Variants in STXBP5 observed in about 807,000 individuals in gnomAD.
STXBP5 encodes the protein syntaxin-binding protein 5.
In STXBP5, 50 loss-of-function variants were observed where a neutral mutation model predicts 152.4. The observed-to-expected ratio is 0.33, with a 90% confidence interval of 0.26 to 0.42. The LOEUF (loss-of-function observed/expected upper bound fraction) is 0.42. Ranked by LOEUF, STXBP5 falls within the 10% of genes least tolerant of loss-of-function variation. The pLI is 1.00. For synonymous variants in STXBP5, 492 were observed against 494.7 expected (o/e 0.99, Z 0.07); for missense variants, 1,167 against 1,388.6 (o/e 0.84, Z 2.54).
chr6:147,310,051 C>T, intron 9 of STXBP5, 33 bp from the exon 10 acceptor site: 6 of 1,378,448 alleles, frequency 4.4e-6, no homozygotes, highest in South Asian at 3.2e-5. Context: ...TTTACTATGC[C>T]ATTAATAATC....
intron 4 of STXBP5, among the ~76,000 whole-genome samples, chr6:147,252,369 T>C (rs1247236005): frequency 6.6e-6 from 1 of 151,984 alleles, no homozygotes; most frequent in Non-Finnish European, 1.5e-5. Context: ...AATAACCAGT[T>C]TAGCGAAGAA....
chr6:147,293,533 A>G (rs1781380229), intron 9 of STXBP5: 1 of 152,234 alleles, frequency 6.6e-6, no homozygotes, highest in Non-Finnish European at 1.5e-5. Context: ...CCTATCAGGT[A>G]TCATAAGCAG....
At chr6:147,305,650 A>AT (rs1338645050) in intron 9 of STXBP5, among the ~76,000 whole-genome samples, 1 of 152,178 alleles carries the variant, frequency 6.6e-6, no homozygotes, top group Non-Finnish European at 1.5e-5. Flanking sequence ...CAAATTAGGT[A>AT]TTAATAGTTT....
At chr6:147,311,792 G>A (rs1178013717) in intron 11 of STXBP5, among the ~76,000 whole-genome samples, 1 of 151,982 alleles carries the variant, frequency 6.6e-6, no homozygotes, top group Admixed American at 6.6e-5. Flanking sequence ...ATATCCTGGG[G>A]CCACACAAAA....
intron 21 of STXBP5, among the ~76,000 whole-genome samples, chr6:147,340,946 A>G (rs1784062225): frequency 6.6e-6 from 1 of 152,120 alleles, no homozygotes; most frequent in South Asian, 2.1e-4. Context: ...CTGTAGTTAT[A>G]TATTTTGGGG....
chr6:147,364,957 T>C (rs1785228412), intron 25 of STXBP5, among the ~76,000 whole-genome samples: 1 of 152,204 alleles, frequency 6.6e-6, no homozygotes, highest in Non-Finnish European at 1.5e-5. Flanking sequence ...TCTTGCTAAC[T>C]ATACAATTAT....
chr6:147,285,022 G>A (rs563034698), intron 8 of STXBP5, among the ~76,000 whole-genome samples: 4 of 152,202 alleles, frequency 2.6e-5, no homozygotes, highest in African/African-American at 9.6e-5. Context: ...AAATGGACAT[G>A]TATGAATGAA....
chr6:147,326,418 T>G (rs2128386146), intron 17 of STXBP5, among the ~76,000 whole-genome samples: 1 of 152,298 alleles, frequency 6.6e-6, no homozygotes, highest in African/African-American at 2.4e-5. Context: ...AAAATCTGAT[T>G]ATGTGGCCGT....
At chr6:147,266,647 T>C (rs1179665238) in intron 6 of STXBP5, among the ~76,000 whole-genome samples, 4 of 152,044 alleles carry the variant, frequency 2.6e-5, no homozygotes, top group Non-Finnish European at 5.9e-5. Context: ...CTTTGAGGCT[T>C]TTGTGTAGAT....
intron 25 of STXBP5, among the ~76,000 whole-genome samples, chr6:147,366,401 A>G (rs1785292376): frequency 6.6e-6 from 1 of 152,236 alleles, no homozygotes; most frequent in Admixed American, 6.5e-5. Flanking sequence ...AAACCAGTAG[A>G]AAATTACTTG....
chr6:147,267,773 C>G (rs1330449761), intron 7 of STXBP5, among the ~76,000 whole-genome samples: 1 of 151,936 alleles, frequency 6.6e-6, no homozygotes, highest in Non-Finnish European at 1.5e-5. Context: ...TTCATTTTGG[C>G]AAGACTACTT....
At chr6:147,307,546 C>G (rs540596592) in intron 9 of STXBP5, among the ~76,000 whole-genome samples, 1 of 151,860 alleles carries the variant, frequency 6.6e-6, no homozygotes, top group Non-Finnish European at 1.5e-5. Context: ...GTATTTATGA[C>G]TAATTTCTTT....
At position 147,359,156 on chromosome 6, in the gene STXBP5, C is replaced by T. The variant is rs760867732; in HGVS notation, c.2378C>T (p.Ala793Val). The T allele has an allele frequency of 2.4e-5, 39 of 1,613,888 alleles. No individual in the cohort carries two copies. The highest frequency in any genetic ancestry group is 2.3e-4 in the Admixed American group (14 of 59,972). Residue 793 changes from alanine (A) to valine (V), a missense_variant, in exon 23 of 28, where the codon GCG becomes GTG. By Grantham distance (64) the Ala-to-Val change is moderately conservative (BLOSUM62 0). This residue lies in a region of STXBP5 where 833 missense variants were observed against 986.3 expected (regional missense o/e 0.84). Transcript: ENST00000321680. ...AGCATTGACAAAGAATCCCGAGAAG[C>T]GATCTCCGCTCTTCATTTCTGTGAA... ...VTSIDKESRE[A>V]ISALHFCETF...
chr6:147,221,541 G>GTTTT (rs570695545), intron 2 of STXBP5, among the ~76,000 whole-genome samples: 4 of 143,322 alleles, frequency 2.8e-5, no homozygotes, highest in Non-Finnish European at 4.6e-5. Context: ...CAGAATTCCA[G>GTTTT]TTTTTTTTTT....
At chr6:147,278,865 A>C (rs1264909682) in intron 8 of STXBP5, among the ~76,000 whole-genome samples, 2 of 152,200 alleles carry the variant, frequency 1.3e-5, no homozygotes, top group African/African-American at 2.4e-5. Context: ...AGTTGTTACC[A>C]CATGTGTGAA....
At chr6:147,334,121 G>A (rs773922332) in intron 18 of STXBP5, 36 bp from the exon 19 acceptor site, 2 of 1,599,278 alleles carry the variant, frequency 1.3e-6, no homozygotes, top group Non-Finnish European at 1.7e-6. Flanking sequence ...TTACATAAAT[G>A]TATGGGTTGA....
intron 8 of STXBP5, among the ~76,000 whole-genome samples, chr6:147,280,131 T>C (rs1156901090): frequency 6.6e-6 from 1 of 152,124 alleles, no homozygotes; most frequent in Non-Finnish European, 1.5e-5. Flanking sequence ...AAAAGAGTTT[T>C]ATGTGGATTA....
intron 4 of STXBP5, among the ~76,000 whole-genome samples, chr6:147,253,489 T>C (rs929503475): frequency 2.6e-5 from 4 of 152,110 alleles, no homozygotes; most frequent in Non-Finnish European, 4.4e-5. Context: ...TAAAGGATAT[T>C]CAAACAGGAA....
chr6:147,227,723 G>A (rs142186605), intron 2 of STXBP5, among the ~76,000 whole-genome samples: 40 of 151,898 alleles, frequency 2.6e-4, no homozygotes, highest in African/African-American at 7.7e-4. Context: ...TTTCCTTTGC[G>A]AACTGTAGTC....
Sources: allele counts gnomAD v4.1 joint callset (sites outside exome capture counted in the v4.1 genomes callset), GRCh38; gene constraint gnomAD v4.1.1; regional missense constraint gnomAD v4.1.1; transcripts MANE v1.5; gene names NCBI Gene and HGNC (gene_info 2026-07-23, HGNC 2026-07-21).